The following BTBD10 variants were observed in gnomAD, a reference collection of about 807,000 sequenced individuals.
The protein encoded by BTBD10 is BTB domain containing 10.
Under a neutral mutation model 53.2 loss-of-function variants are expected in BTBD10, and 21 were observed. The observed-to-expected ratio is 0.39, with a 90% CI of 0.28 to 0.57. The LOEUF is 0.57. Ranked by LOEUF, BTBD10 falls within the 20% of genes least tolerant of loss-of-function variation. The pLI is 0.53. For synonymous variants in BTBD10, 149 were observed against 192.7 expected (o/e 0.77, Z 1.88); for missense variants, 360 against 594.7 (o/e 0.61, Z 4.10).
chr11:13,409,290 T>C (rs1332076858), intron 6 of BTBD10, among the ~76,000 whole-genome samples: 1 of 152,210 alleles, frequency 6.6e-6, no homozygotes, highest in Non-Finnish European at 1.5e-5. Flanking sequence ...AGTAACTTCT[T>C]CACTTTTTTC....
chr11:13,425,864 T>C (rs1424314473), intron 2 of BTBD10, among the ~76,000 whole-genome samples: 1 of 152,124 alleles, frequency 6.6e-6, no homozygotes, highest in Non-Finnish European at 1.5e-5. Flanking sequence ...TTATTACATG[T>C]TACATGTCAA....
intron 6 of BTBD10, among the ~76,000 whole-genome samples, chr11:13,411,213 G>C (rs1280934934): frequency 6.6e-6 from 1 of 152,156 alleles, no homozygotes; most frequent in Non-Finnish European, 1.5e-5. Context: ...TACAGTCTCT[G>C]TCCTCAAGTC....
chr11:13,423,863 C>T (rs1419986589), intron 2 of BTBD10, among the ~76,000 whole-genome samples: 1 of 152,094 alleles, frequency 6.6e-6, no homozygotes, highest in African/African-American at 2.4e-5. Context: ...GGCAACCTAA[C>T]AGCCTTTATC....
chr11:13,438,175 T>C (rs930501048), intron 2 of BTBD10, among the ~76,000 whole-genome samples: 1 of 152,100 alleles, frequency 6.6e-6, no homozygotes, highest in Non-Finnish European at 1.5e-5. Context: ...CCTTTTTTGG[T>C]GGTCTTGACA....
At chr11:13,411,126 A>C (rs1402598836) in intron 6 of BTBD10, among the ~76,000 whole-genome samples, 3 of 152,232 alleles carry the variant, frequency 2.0e-5, no homozygotes, top group Non-Finnish European at 4.4e-5. Context: ...AAGGGAATAC[A>C]ATAATTTATT....
At chr11:13,398,745 C>G (rs1467956482) in intron 8 of BTBD10, among the ~76,000 whole-genome samples, 1 of 152,112 alleles carries the variant, frequency 6.6e-6, no homozygotes, top group African/African-American at 2.4e-5. Context: ...CTGGTGGTGA[C>G]AAAATCTCTC....
At chr11:13,406,619 GTGTGTGTGTGTGTGTGTGTGTT>G (rs963868056) in intron 6 of BTBD10, among the ~76,000 whole-genome samples, 2 of 9,502 alleles carry the variant, frequency 2.1e-4, no homozygotes, top group Admixed American at 1.1e-3. Flanking sequence ...GAGAGACAGT[GTGTGTGTGTGTGTGTGTGTGTT>G]TGTGTGTGTG....
chr11:13,426,840 C>T (rs1474570850), intron 2 of BTBD10, among the ~76,000 whole-genome samples: 1 of 152,014 alleles, frequency 6.6e-6, no homozygotes, highest in Non-Finnish European at 1.5e-5. Context: ...ATGGGACAAA[C>T]GGAAAATAAA....
At chr11:13,421,957 T>C (rs941610278) in intron 2 of BTBD10, 119 bp from the exon 3 acceptor site, 17 of 760,814 alleles carry the variant, frequency 2.2e-5, no homozygotes, top group Non-Finnish European at 2.9e-5. Flanking sequence ...CAAATGCTAC[T>C]TTCTAATTCT....
intron 2 of BTBD10, among the ~76,000 whole-genome samples, chr11:13,444,521 G>A (rs888349020): frequency 7.2e-5 from 11 of 152,068 alleles, no homozygotes; most frequent in Admixed American, 6.6e-4. Context: ...TTTATTTCAC[G>A]CAGCAAACTT....
chr11:13,461,443 T>C (rs966837068), intron 1 of BTBD10, among the ~76,000 whole-genome samples: 2 of 152,204 alleles, frequency 1.3e-5, no homozygotes, highest in Non-Finnish European at 2.9e-5. Context: ...ATTTTCATTA[T>C]CTAACTAGTA....
intron 3 of BTBD10, among the ~76,000 whole-genome samples, chr11:13,420,928 T>C (rs1005292126): frequency 6.6e-6 from 1 of 152,204 alleles, no homozygotes; most frequent in African/African-American, 2.4e-5. Flanking sequence ...AACTGAAACA[T>C]TGACAACTTC....
chr11:13,414,709 G>A (rs1267609902), intron 5 of BTBD10, among the ~76,000 whole-genome samples: 3 of 150,206 alleles, frequency 2.0e-5, no homozygotes, highest in African/African-American at 7.3e-5. Flanking sequence ...GCGTGGTGGT[G>A]CACACCTGTA....
intron 3 of BTBD10, among the ~76,000 whole-genome samples, chr11:13,421,394 T>C (rs2133970831): frequency 6.6e-6 from 1 of 152,278 alleles, no homozygotes; most frequent in South Asian, 2.1e-4. Context: ...TATATCACAG[T>C]TTCAAAGGCT....
At position 13,449,404 on chromosome 11, in the gene BTBD10, C is replaced by A. The variant is rs1323225270; in HGVS notation, c.-57-4223G>T. Among the ~76,000 whole-genome samples the A allele has an allele frequency of 2.0e-5, 3 of 151,742 alleles. No homozygotes were observed. In the East Asian group the frequency reaches 5.8e-4, roughly 29 times the overall value. On this transcript the variant is annotated intron_variant, in intron 1 of 8. Transcript: ENST00000278174. The stretch of plus-strand genomic sequence containing the variant: ...ATCTTAAGAGATAAGATTAAAACCC[C>A]AGTCTAACAAAAAGCCCATGTTATT...
intron 8 of BTBD10, among the ~76,000 whole-genome samples, chr11:13,391,930 G>A (rs780556530): frequency 6.6e-6 from 1 of 152,150 alleles, no homozygotes; most frequent in Non-Finnish European, 1.5e-5. Context: ...GTGACAGAGC[G>A]AGACCCTGTC....
chr11:13,449,356 T>C (rs904960210), intron 1 of BTBD10, among the ~76,000 whole-genome samples: 7 of 152,190 alleles, frequency 4.6e-5, no homozygotes, highest in African/African-American at 1.7e-4. Context: ...TCTATATTAT[T>C]ATCCTGTTTC....
At chr11:13,405,955 C>T (rs1220311978) in intron 6 of BTBD10, 99 bp from the exon 7 acceptor site, 3 of 1,052,608 alleles carry the variant, frequency 2.9e-6, no homozygotes, top group Middle Eastern at 2.4e-4. Context: ...AGGCAGCCTA[C>T]ATAGGCCCCC....
At chr11:13,411,481 G>A (rs191352435) in intron 6 of BTBD10, among the ~76,000 whole-genome samples, 10 of 151,934 alleles carry the variant, frequency 6.6e-5, no homozygotes, top group Admixed American at 6.5e-4. Flanking sequence ...ACGTCTTTGA[G>A]AATCTCTAAA....
Sources: gnomAD v4.1 joint callset for allele counts (sites outside exome capture counted in the v4.1 genomes callset) on GRCh38, gnomAD v4.1.1 for gene constraint, MANE v1.5 for transcripts, NCBI Gene and HGNC (gene_info 2026-07-23, HGNC 2026-07-21) for gene names.